The following IMMP1L variants were observed in gnomAD, a reference collection of about 807,000 sequenced individuals.
IMMP1L encodes inner mitochondrial membrane peptidase subunit 1.
In IMMP1L, 24 loss-of-function variants were observed where a neutral mutation model predicts 21.8. That is an observed-to-expected ratio of 1.10 (90% confidence interval 0.80 to 1.55). The LOEUF is 1.55. Among genes scored for constraint, IMMP1L ranks in the 40% most tolerant of loss-of-function variants. IMMP1L has a pLI of 0.00. For synonymous variants in IMMP1L, 46 were observed against 62.8 expected (o/e 0.73, Z 1.26); for missense variants, 195 against 200.7 (o/e 0.97, Z 0.17).
At chr11:31,506,565 CTTTA>C (rs1955784412) in intron 1 of IMMP1L, among the ~76,000 whole-genome samples, 1 of 150,304 alleles carries the variant, frequency 6.7e-6, no homozygotes, top group Non-Finnish European at 1.5e-5. Flanking sequence ...TCCATGAATA[CTTTA>C]TTTATTCTCG....
In IMMP1L at chr11:31,493,804, A is replaced by G. The variant is rs1169271942; in HGVS notation, c.-30+15715T>C. 2.6e-5 allele frequency among the ~76,000 whole-genome samples: 4 copies of G among 152,236 alleles called. No individual in the cohort carries two copies. In the South Asian group the frequency reaches 8.3e-4, roughly 31 times the overall value. On this transcript the variant is annotated intron_variant, in intron 1 of 5. Coordinates refer to ENST00000532287, the MANE Select transcript of IMMP1L (RefSeq NM_001304274.2). ...AAAACAAAGGGGCTGTGGGCCCCAT[A>G]CAAGTCCAAAATCCAATAGAGAAGT...
At position 31,452,103 on chromosome 11, in the gene IMMP1L, C is replaced by T. The variant is rs371504200; in HGVS notation, c.321+4157G>A. On this transcript the variant is annotated intron_variant, in intron 4 of 5. Coordinates refer to ENST00000532287, the MANE Select transcript of IMMP1L (RefSeq NM_001304274.2). ...TGAAGTGGTGGAGACCAAAGTCTAA[C>T]TGGAATGAGTTCGAAAAAATAATAT... The T allele has an allele frequency of 6.8e-5, 32 of 471,526 alleles. 1 individual carries two copies. The East Asian group carries it at 3.4e-3, about 50-fold the overall frequency. The allele number at this position is 471,526 out of a possible 1,614,324, so 29.2% of individuals were successfully genotyped here.
intron 1 of IMMP1L, among the ~76,000 whole-genome samples, chr11:31,474,112 G>A (rs1391118921): frequency 6.6e-6 from 1 of 151,990 alleles, no homozygotes; most frequent in Non-Finnish European, 1.5e-5. Context: ...CCTTCATTTG[G>A]GCAAGAAAAA....
chr11:31,450,070 T>G (rs1382252705), intron 4 of IMMP1L, among the ~76,000 whole-genome samples: 1 of 152,146 alleles, frequency 6.6e-6, no homozygotes, highest in Admixed American at 6.5e-5. Context: ...TGATTCTTCA[T>G]TTTACAATAA....
intron 3 of IMMP1L, 117 bp from the exon 4 acceptor site, chr11:31,456,503 C>A (rs866257300): frequency 1.5e-6 from 1 of 658,860 alleles, no homozygotes. Flanking sequence ...TTTATCCTCT[C>A]ATATACTTAC....
chr11:31,500,411 T>C (rs551070533), intron 1 of IMMP1L, among the ~76,000 whole-genome samples: 46 of 152,138 alleles, frequency 3.0e-4, no homozygotes, highest in Admixed American at 2.2e-3. Context: ...ACAAGAGATA[T>C]AGAATTAAAA....
At chr11:31,471,834 T>C (rs2133709611) in intron 1 of IMMP1L, among the ~76,000 whole-genome samples, 1 of 152,332 alleles carries the variant, frequency 6.6e-6, no homozygotes, top group South Asian at 2.1e-4. Context: ...AAACAACACA[T>C]ATTTATAATC....
At chr11:31,495,285 CA>C (rs1483327221) in intron 1 of IMMP1L, among the ~76,000 whole-genome samples, 1 of 152,180 alleles carries the variant, frequency 6.6e-6, no homozygotes, top group African/African-American at 2.4e-5. Flanking sequence ...TAGGAAGTTC[CA>C]AACTTTCCTA....
At chr11:31,460,548 G>C in intron 3 of IMMP1L, 78 bp downstream of exon 3, 1 of 814,026 alleles carries the variant, frequency 1.2e-6, no homozygotes, top group Non-Finnish European at 2.0e-6. Flanking sequence ...TAAAGATAAA[G>C]TTAAGGAACT....
chr11:31,434,236 A>G (rs1953034257), intron 4 of IMMP1L, among the ~76,000 whole-genome samples: 1 of 152,140 alleles, frequency 6.6e-6, no homozygotes, highest in Non-Finnish European at 1.5e-5. Flanking sequence ...CTAAATGAAA[A>G]GACTATCTCC....
At chr11:31,458,074 T>A (rs1179261295) in intron 3 of IMMP1L, among the ~76,000 whole-genome samples, 1 of 152,182 alleles carries the variant, frequency 6.6e-6, no homozygotes, top group Non-Finnish European at 1.5e-5. Flanking sequence ...GAAGCTTAAG[T>A]TCTTTGATCA....
At chr11:31,473,875 A>G (rs1421626559) in intron 1 of IMMP1L, 1 of 270,688 alleles carries the variant, frequency 3.7e-6, no homozygotes, top group Non-Finnish European at 5.6e-6. Flanking sequence ...ATATATGTAT[A>G]TATATGTCAA....
In IMMP1L at chr11:31,486,068, TG is replaced by T. The variant is rs200320112; in HGVS notation, c.-29-22764del. ...AAACTTTTTTTTCCCTTTTTTTTTT[TG>T]TAATGACCTCTCCTTACGATAGACA... On this transcript the variant is annotated intron_variant, in intron 1 of 5. Coordinates refer to ENST00000532287, the MANE Select transcript of IMMP1L (RefSeq NM_001304274.2). Among the ~76,000 whole-genome samples, 827 of 151,722 alleles carry T rather than the reference TG, an allele frequency of 5.5e-3. 11 individuals carry two copies. Among genetic ancestry groups the T allele is most frequent in the African/African-American group, 0.019 (795 of 41,448 alleles).
At chr11:31,482,909 C>CATT (rs1198928539) in intron 1 of IMMP1L, among the ~76,000 whole-genome samples, 8 of 151,830 alleles carry the variant, frequency 5.3e-5, no homozygotes, top group Middle Eastern at 3.2e-3. Context: ...TTCATAATAG[C>CATT]ATTATATAGA....
intron 2 of IMMP1L, among the ~76,000 whole-genome samples, chr11:31,462,728 T>G (rs1954194448): frequency 6.6e-6 from 1 of 152,216 alleles, no homozygotes; most frequent in Admixed American, 6.5e-5. Context: ...ACTTACTAAC[T>G]GTGGGACCTG....
intron 1 of IMMP1L, among the ~76,000 whole-genome samples, chr11:31,484,088 T>C (rs1238864567): frequency 6.6e-6 from 1 of 151,904 alleles, no homozygotes; most frequent in Non-Finnish European, 1.5e-5. Flanking sequence ...GAAAATAGAA[T>C]AAAAATAGCT....
At chr11:31,447,607 T>G (rs1390754229) in intron 4 of IMMP1L, among the ~76,000 whole-genome samples, 1 of 152,210 alleles carries the variant, frequency 6.6e-6, no homozygotes, top group African/African-American at 2.4e-5. Context: ...TGCATTTGTG[T>G]TTAGTTGGAT....
chr11:31,509,385 C>A (rs1280913059), intron 1 of IMMP1L, 134 bp downstream of exon 1: 2 of 186,900 alleles, frequency 1.1e-5, no homozygotes, highest in Admixed American at 1.1e-4. Context: ...AAAGTCTATC[C>A]TCACACACAG....
chr11:31,462,467 C>T (rs1954185369), intron 2 of IMMP1L, among the ~76,000 whole-genome samples: 1 of 151,328 alleles, frequency 6.6e-6, no homozygotes, highest in Non-Finnish European at 1.5e-5. Flanking sequence ...AATTGACTGG[C>T]TGGTCAATCA....
Sources: allele counts gnomAD v4.1 joint callset (sites outside exome capture counted in the v4.1 genomes callset), GRCh38; gene constraint gnomAD v4.1.1; transcripts MANE v1.5; gene names NCBI Gene and HGNC (gene_info 2026-07-23, HGNC 2026-07-21).